Variants in FSIP2 observed in about 807,000 individuals in gnomAD.
FSIP2 encodes the protein fibrous sheath-interacting protein 2.
A neutral mutation model predicts 510.5 loss-of-function variants in FSIP2; 367 were observed. The ratio of observed to expected loss-of-function variants is 0.72; its 90% CI spans 0.66 to 0.78. The LOEUF (loss-of-function observed/expected upper bound fraction) is 0.78. FSIP2 is among the 30% of genes least tolerant of loss of function. The pLI is 0.00. For missense variants in FSIP2, 7,594 were observed against 7,901.7 expected (o/e 0.96, Z 1.48); for synonymous variants, 2,601 against 2,732.2 (o/e 0.95, Z 1.50).
intron 1 of FSIP2, 91 bp from the exon 2 acceptor site, chr2:185,739,255 G>T: frequency 7.5e-7 from 1 of 1,326,266 alleles, no homozygotes; most frequent in Admixed American, 2.9e-5. Flanking sequence ...ATAATTCTTC[G>T]GAGTCTTTGG....
At position 185,793,764 on chromosome 2, in the gene FSIP2, A is replaced by G; in HGVS notation, c.6628A>G (p.Lys2210Glu). The G allele has an allele frequency of 6.5e-7, 1 of 1,533,368 alleles. No individual in the cohort carries two copies. Among genetic ancestry groups the G allele is most frequent in the Non-Finnish European group, 8.7e-7 (1 of 1,145,468 alleles). The allele number at this position is 1,533,368 out of a possible 1,614,324, so 95.0% of individuals were successfully genotyped here. The change falls in exon 16 of 23, where the codon AAA becomes GAA. Residue 2210 changes from lysine to glutamate, a missense_variant. Transcript: ENST00000424728. Reference sequence around the variant, plus strand: ...TCTTAAGGGGTCAAAAACTGAAAGAAAAACAGAGCGTTTTTCATATTCAAG... The same window carrying G: ...TCTTAAGGGGTCAAAAACTGAAAGAGAAACAGAGCGTTTTTCATATTCAAG... ...QPLKGSKTER[K>E]TERFSYSRNQ...
chr2:185,766,031 A>G (rs1268689532), intron 13 of FSIP2: 3 of 151,640 alleles, frequency 2.0e-5, no homozygotes, highest in Admixed American at 1.3e-4. Flanking sequence ...TTATCAGCTT[A>G]AGGAGATTTT....
chr2:185,800,259 G>A lies in FSIP2; in HGVS notation c.10953G>A (p.Gln3651=). The A allele has an allele frequency of 6.5e-7, 1 of 1,533,298 alleles. No homozygotes were observed. The highest frequency in any genetic ancestry group is 8.7e-7 in the Non-Finnish European group (1 of 1,145,436). 95.0% of individuals were successfully genotyped at this position (1,533,298 alleles called of 1,614,324 possible). The change falls in exon 17 of 23, where the codon CAG becomes CAA. Residue 3651 remains glutamine, a synonymous_variant. Coordinates refer to ENST00000424728, the MANE Select transcript of FSIP2 (RefSeq NM_173651.4). ...SVPLCNKINR[Q]ASPRDWQFST... is the part of the protein sequence containing the mutation. ...CCCTTTGCAACAAAATCAATAGACA[G>A]GCAAGCCCCAGAGACTGGCAATTTT...
At position 185,791,902 on chromosome 2, in the gene FSIP2, T is replaced by C. The variant is rs1693137714; in HGVS notation, c.4766T>C (p.Val1589Ala). The part of the protein sequence containing the change: ...KAVASDILNM[V>A]FAKLEGFANG... Reference sequence around the variant, plus strand: ...GTAGCTTCAGATATTCTTAATATGGTTTTTGCTAAACTGGAAGGGTTTGCC... The same window carrying C: ...GTAGCTTCAGATATTCTTAATATGGCTTTTGCTAAACTGGAAGGGTTTGCC... Residue 1589 changes from valine to alanine, a missense_variant, in exon 16 of 23, where the codon GTT becomes GCT. Physicochemically the swap from Val to Ala is moderately conservative, Grantham distance 64. Transcript: ENST00000424728. 2 of 1,533,894 alleles carry C rather than the reference T, an allele frequency of 1.3e-6. No individual in the cohort carries two copies. Among genetic ancestry groups the C allele is most frequent in the Non-Finnish European group, 1.7e-6 (2 of 1,145,474 alleles).
intron 19 of FSIP2, among the ~76,000 whole-genome samples, chr2:185,817,682 C>G (rs1197174417): frequency 6.6e-6 from 1 of 151,822 alleles, no homozygotes; most frequent in African/African-American, 2.4e-5. Context: ...CAAAAGATTA[C>G]TAAGCATACA....
At position 185,788,900 on chromosome 2, in the gene FSIP2, T is replaced by A. The variant is rs1268149245; in HGVS notation, c.1764T>A (p.Val588=). The A allele has an allele frequency of 5.9e-6, 9 of 1,535,120 alleles. No individual in the cohort carries two copies. The highest frequency in any genetic ancestry group is 3.9e-5 in the Admixed American group (2 of 50,898). ...AGGCAGAACCCTGTGCATTTGTAGT[T>A]GACACGTCAGTAAGGAGACCAACCA... The part of the protein sequence containing the change: ...TFQAEPCAFV[V]DTSVRRPTTP... Residue 588 remains valine (V), a synonymous_variant, in exon 16 of 23, where the codon GTT becomes GTA. Coordinates refer to ENST00000424728, the MANE Select transcript of FSIP2 (RefSeq NM_173651.4).
At chr2:185,745,293 C>T (rs1284076469) in intron 4 of FSIP2, 136 bp from the exon 5 acceptor site, 6 of 495,296 alleles carry the variant, frequency 1.2e-5, no homozygotes, top group Non-Finnish European at 2.0e-5. Flanking sequence ...TTGTCTGTGT[C>T]TTTAATGGAT....
In FSIP2 at chr2:185,802,904, T is replaced by G. The variant is rs769513126; in HGVS notation, c.13598T>G (p.Phe4533Cys). The change falls in exon 17 of 23, where the codon TTT becomes TGT. Residue 4533 changes from phenylalanine (F) to cysteine (C), a missense_variant. Phe to Cys is a radical substitution (Grantham distance 205, BLOSUM62 -2). Coordinates refer to ENST00000424728, the MANE Select transcript of FSIP2 (RefSeq NM_173651.4). ...RFSKEEEETK[F>C]IYSEDDIQHL... ...TCAAAAGAGGAAGAAGAAACCAAGT[T>G]TATTTATTCAGAAGATGATATTCAG... 37 of 1,497,928 alleles carry G rather than the reference T, an allele frequency of 2.5e-5. No homozygotes were observed. The African/African-American group carries it at 3.0e-4, about 12-fold the overall frequency. The allele number at this position is 1,497,928 out of a possible 1,614,324, so 92.8% of individuals were successfully genotyped here.
intron 7 of FSIP2, among the ~76,000 whole-genome samples, chr2:185,753,490 A>G (rs1440913248): frequency 6.6e-6 from 1 of 151,418 alleles, no homozygotes; most frequent in Non-Finnish European, 1.5e-5. Context: ...CAGAAACTGA[A>G]TTAGTTCTCT....
rs1338059438 is a variant in FSIP2, at chr2:185,739,388, C to A, written c.142C>A (p.Leu48Ile). The A allele has an allele frequency of 6.5e-7, 1 of 1,535,340 alleles. No homozygotes were observed. The highest frequency in any genetic ancestry group is 2.0e-5 in the Admixed American group (1 of 50,860). The change falls in exon 2 of 23, where the codon CTA becomes ATA. Residue 48 changes from leucine (L) to isoleucine (I), a missense_variant. Transcript: ENST00000424728. ...CTTTGCAGGGGTTGGACCGGCTCAG[C>A]TACTGGACCTACCTCTCGGGGTCAA... ...THFAGVGPAQ[L>I]LDLPLGVKLP... is the part of the protein sequence containing the mutation.
rs1692362257 is a variant in FSIP2, at chr2:185,762,016, A to C, written c.1239A>C (p.Arg413Ser). 4 of 1,419,816 alleles carry C rather than the reference A, an allele frequency of 2.8e-6. No homozygotes were observed. Among genetic ancestry groups the C allele is most frequent in the African/African-American group, 1.4e-5 (1 of 70,538 alleles). 88.0% of individuals were successfully genotyped at this position (1,419,816 alleles called of 1,614,324 possible). A position where few individuals can be genotyped will look rare whatever the true frequency, so the allele number is the denominator to read the frequency against. ...VSKNSSIFDD[R>S]GGINISGQGS... ...AAAACTCAAGTATTTTCGATGATAGAGGTAAGAAAATAAACAATAGTCATA... is the reference window on the plus strand; with the variant it reads ...AAAACTCAAGTATTTTCGATGATAGCGGTAAGAAAATAAACAATAGTCATA... Residue 413 changes from arginine to serine, a missense_variant and splice_region_variant, in exon 11 of 23, where the codon AGA (arginine) becomes AGC (serine). Coordinates refer to ENST00000424728, the MANE Select transcript of FSIP2 (RefSeq NM_173651.4).
At chr2:185,815,938 C>T (rs1443617517) in intron 19 of FSIP2, among the ~76,000 whole-genome samples, 1 of 151,916 alleles carries the variant, frequency 6.6e-6, no homozygotes, top group African/African-American at 2.4e-5. Context: ...TTTGACATGG[C>T]TCTTTAAGAA....
chr2:185,819,587 A>G (rs1693878700), intron 19 of FSIP2, among the ~76,000 whole-genome samples: 1 of 151,536 alleles, frequency 6.6e-6, no homozygotes, highest in South Asian at 2.1e-4. Flanking sequence ...AGGAAGAGAT[A>G]ATAATTAAAA....
At chr2:185,787,242 A>G (rs137980228) in intron 15 of FSIP2, among the ~76,000 whole-genome samples, 11 of 150,280 alleles carry the variant, frequency 7.3e-5, no homozygotes, top group African/African-American at 2.7e-4. Flanking sequence ...TAAGATTGTC[A>G]TCTCAAAATA....
chr2:185,767,684 T>C (rs1285893739), intron 13 of FSIP2, among the ~76,000 whole-genome samples: 2 of 152,182 alleles, frequency 1.3e-5, no homozygotes, highest in African/African-American at 2.4e-5. Flanking sequence ...TCTGTGTATC[T>C]GTGTTTATTT....
intron 5 of FSIP2, among the ~76,000 whole-genome samples, chr2:185,746,343 A>C (rs999942746): frequency 6.6e-6 from 1 of 151,780 alleles, no homozygotes; most frequent in Middle Eastern, 3.2e-3. Flanking sequence ...CCTTTTTTGC[A>C]AGGTCATATT....
intron 7 of FSIP2, 147 bp from the exon 8 acceptor site, chr2:185,753,575 C>A: frequency 2.2e-6 from 1 of 458,362 alleles, no homozygotes; most frequent in Non-Finnish European, 3.8e-6. Context: ...GAAATTTGCC[C>A]CTTACTACTC....
intron 13 of FSIP2, among the ~76,000 whole-genome samples, chr2:185,768,934 A>C (rs1234186624): frequency 6.6e-6 from 1 of 152,160 alleles, no homozygotes; most frequent in Non-Finnish European, 1.5e-5. Context: ...CTCCAGCTCC[A>C]TCCATGTTCC....
Position 185,796,696 on chromosome 2 carries a change from G to C in FSIP2, c.9560G>C (p.Gly3187Ala), listed in dbSNP as rs1467336493. Residue 3187 changes from glycine (G) to alanine (A), a missense_variant, in exon 16 of 23, where the codon GGG (glycine) becomes GCG (alanine). Gly to Ala is a moderately conservative substitution (Grantham distance 60, BLOSUM62 0). Transcript: ENST00000424728. Reference sequence around the variant, plus strand: ...AATCCTTCACAAGTGAGTAAAACTGGGTTTGTGTTTTGTTCAGATGAAGAT... The same window carrying C: ...AATCCTTCACAAGTGAGTAAAACTGCGTTTGTGTTTTGTTCAGATGAAGAT... ...GINPSQVSKT[G>A]FVFCSDEDMK... 1 of 1,534,928 alleles carries C rather than the reference G, an allele frequency of 6.5e-7. No homozygotes were observed.
Sources: allele counts gnomAD v4.1 joint callset (sites outside exome capture counted in the v4.1 genomes callset), GRCh38; gene constraint gnomAD v4.1.1; transcripts MANE v1.5; gene names NCBI Gene and HGNC (gene_info 2026-07-23, HGNC 2026-07-21).